The following CELF4 variants were observed in gnomAD, a reference collection of about 807,000 sequenced individuals.
CELF4 encodes CUGBP Elav-like family member 4.
CELF4 carries 18 observed loss-of-function variants against 59.9 expected under a neutral mutation model. The observed-to-expected ratio is 0.30, with a 90% CI of 0.21 to 0.45. The LOEUF is 0.45. Ranked by LOEUF, CELF4 falls within the 20% of genes least tolerant of loss-of-function variation. The pLI is 1.00. For missense variants in CELF4, 456 were observed against 689.0 expected (o/e 0.66, Z 3.79); for synonymous variants, 261 against 267.1 (o/e 0.98, Z 0.22).
At chr18:37,469,236 T>C (rs139894452) in intron 2 of CELF4, among the ~76,000 whole-genome samples, 1 of 152,134 alleles carries the variant, frequency 6.6e-6, no homozygotes, top group Non-Finnish European at 1.5e-5. Context: ...CTTCGTGTCA[T>C]GACGGCAGGG....
At chr18:37,344,653 A>T (rs569220990) in intron 2 of CELF4, among the ~76,000 whole-genome samples, 25 of 152,370 alleles carry the variant, frequency 1.6e-4, no homozygotes, top group African/African-American at 5.5e-4. Flanking sequence ...GCATATGTGC[A>T]CAGCTTTCTG....
intron 3 of CELF4, among the ~76,000 whole-genome samples, chr18:37,318,081 C>T (rs1289074563): frequency 6.6e-6 from 1 of 152,212 alleles, no homozygotes; most frequent in Admixed American, 6.5e-5. Flanking sequence ...TGCTTATGAG[C>T]ATTCAAGTGT....
Position 37,274,829 on chromosome 18 carries a change from C to T in CELF4, c.633G>A (p.Ala211=), listed in dbSNP as rs2092757973. ...SHAEAQAAIN[A]LHGSQTMPGA... ...CCGGCATGGTCTGGCTGCCGTGTAGCGCGTTGATGGCGGCCTGCGCCTCGG... is the reference window on the plus strand; with the variant it reads ...CCGGCATGGTCTGGCTGCCGTGTAGTGCGTTGATGGCGGCCTGCGCCTCGG... Residue 211 remains alanine, a synonymous_variant, in exon 5 of 13, where the codon GCG becomes GCA. Transcript: ENST00000420428. The T allele has an allele frequency of 6.2e-7, 1 of 1,606,726 alleles. No individual in the cohort carries two copies. The highest frequency in any genetic ancestry group is 1.7e-4 in the Middle Eastern group (1 of 6,034).
intron 2 of CELF4, among the ~76,000 whole-genome samples, chr18:37,413,041 G>A (rs928859113): frequency 3.9e-5 from 6 of 152,266 alleles, no homozygotes; most frequent in South Asian, 2.1e-4. Flanking sequence ...TTATTGGCTC[G>A]CTCTTCAATC....
At chr18:37,323,566 C>G (rs2097197189) in intron 2 of CELF4, among the ~76,000 whole-genome samples, 1 of 152,054 alleles carries the variant, frequency 6.6e-6, no homozygotes, top group Non-Finnish European at 1.5e-5. Flanking sequence ...GGTTCCCTGT[C>G]CAGTACTGTT....
At chr18:37,297,730 A>T (rs947439079) in intron 3 of CELF4, among the ~76,000 whole-genome samples, 2 of 152,230 alleles carry the variant, frequency 1.3e-5, no homozygotes, top group Admixed American at 6.5e-5. Flanking sequence ...AAAGGCACCC[A>T]GTGCTCTGAA....
chr18:37,470,640 G>A (rs969641394), intron 2 of CELF4, among the ~76,000 whole-genome samples: 3 of 152,124 alleles, frequency 2.0e-5, no homozygotes, highest in Admixed American at 2.0e-4. Context: ...CCCTCAGGAG[G>A]GAAACATAAT....
At chr18:37,266,115 A>C in intron 9 of CELF4, 1 of 301,018 alleles carries the variant, frequency 3.3e-6, no homozygotes, top group East Asian at 9.4e-5. Flanking sequence ...CTTCTCTCAA[A>C]CCAGGCATCT....
intron 3 of CELF4, among the ~76,000 whole-genome samples, chr18:37,316,344 T>C (rs2096868981): frequency 6.6e-6 from 1 of 152,132 alleles, no homozygotes; most frequent in Admixed American, 6.5e-5. Flanking sequence ...TAAATACAAC[T>C]TGCTCCAGTG....
chr18:37,266,928 T>A (rs1472631630), intron 8 of CELF4, among the ~76,000 whole-genome samples: 1 of 135,038 alleles, frequency 7.4e-6, no homozygotes, highest in African/African-American at 2.9e-5. Flanking sequence ...AACACTGAGA[T>A]GCTGGTGGTG....
intron 2 of CELF4, among the ~76,000 whole-genome samples, chr18:37,346,230 G>A (rs139016295): frequency 1.5e-4 from 23 of 152,306 alleles, no homozygotes; most frequent in African/African-American, 5.1e-4. Context: ...GCTGCATTCC[G>A]GCATCACTTT....
intron 3 of CELF4, among the ~76,000 whole-genome samples, chr18:37,300,926 C>T (rs1215073316): frequency 4.6e-5 from 7 of 152,256 alleles, no homozygotes; most frequent in African/African-American, 9.6e-5. Flanking sequence ...TGAGGCCAGG[C>T]GCCTGGAGCA....
At chr18:37,275,033 C>T in intron 4 of CELF4, 82 bp downstream of exon 4, 1 of 1,560,720 alleles carries the variant, frequency 6.4e-7, no homozygotes. Context: ...GGCGATGGCC[C>T]CGGAGACTCA....
intron 2 of CELF4, among the ~76,000 whole-genome samples, chr18:37,391,931 C>A (rs771348607): frequency 1.3e-5 from 2 of 152,208 alleles, no homozygotes; most frequent in Non-Finnish European, 2.9e-5. Context: ...TGTCTTACCC[C>A]ACCCTGAAAG....
chr18:37,561,486 C>T (rs1479680072), intron 1 of CELF4, among the ~76,000 whole-genome samples: 1 of 152,154 alleles, frequency 6.6e-6, no homozygotes, highest in East Asian at 1.9e-4. Context: ...ATATGGCTAT[C>T]CAGAGAGCAC....
In CELF4 at chr18:37,426,104, C is replaced by G. The variant is rs968995998; in HGVS notation, c.369+59421G>C. 8.5e-5 allele frequency among the ~76,000 whole-genome samples: 13 copies of G among 152,228 alleles called. 1 individual carries two copies. Among genetic ancestry groups the G allele is most frequent in the Admixed American group, 8.5e-4 (13 of 15,288 alleles). On this transcript the variant is annotated intron_variant, in intron 2 of 12. Transcript: ENST00000420428. Reference sequence around the variant, plus strand: ...CAACTCTGGCTATGGGCCTTTCCCCCCAGTAGCACTGGACAGGTTCCACAG... The same window carrying G: ...CAACTCTGGCTATGGGCCTTTCCCCGCAGTAGCACTGGACAGGTTCCACAG...
chr18:37,291,169 A>G (rs1304738768), intron 3 of CELF4, among the ~76,000 whole-genome samples: 4 of 152,082 alleles, frequency 2.6e-5, no homozygotes, highest in African/African-American at 7.2e-5. Context: ...TCGGCCTCCC[A>G]AAGTGCTGGG....
chr18:37,459,788 G>A (rs561794697), intron 2 of CELF4, among the ~76,000 whole-genome samples: 22 of 152,244 alleles, frequency 1.4e-4, no homozygotes, highest in Admixed American at 2.0e-4. Context: ...CAAGGTTGTC[G>A]TTGGCCATTA....
chr18:37,469,695 T>C (rs2099816637), intron 2 of CELF4, among the ~76,000 whole-genome samples: 1 of 152,232 alleles, frequency 6.6e-6, no homozygotes, highest in Non-Finnish European at 1.5e-5. Context: ...TGGCACATAC[T>C]GTCTTCTCAG....
Sources: allele counts gnomAD v4.1 joint callset (sites outside exome capture counted in the v4.1 genomes callset), GRCh38; gene constraint gnomAD v4.1.1; transcripts MANE v1.5; gene names NCBI Gene and HGNC (gene_info 2026-07-23, HGNC 2026-07-21).